LDB2: variants seen among roughly 807,000 people sequenced by gnomAD.
LDB2 encodes the protein LIM domain-binding protein 2.
A neutral mutation model predicts 44.3 loss-of-function variants in LDB2; 12 were observed. The observed-to-expected ratio is 0.27, with a 90% CI of 0.17 to 0.44. LDB2 has a LOEUF of 0.44. Among genes scored for constraint, LDB2 ranks in the 20% least tolerant of loss-of-function variants. The pLI, the probability that LDB2 is intolerant of heterozygous loss-of-function variation, is 1.00. For synonymous variants in LDB2, 164 were observed against 174.8 expected (o/e 0.94, Z 0.49); for missense variants, 344 against 473.5 (o/e 0.73, Z 2.54).
chr4:16,821,453 G>C (rs1446595815), intron 1 of LDB2, among the ~76,000 whole-genome samples: 2 of 149,050 alleles, frequency 1.3e-5, no homozygotes, highest in Non-Finnish European at 3.0e-5. Flanking sequence ...GCGCCATCTC[G>C]GCTCACTGCA....
chr4:16,821,392 T>TA (rs1475513625), intron 1 of LDB2, among the ~76,000 whole-genome samples: 53 of 150,340 alleles, frequency 3.5e-4, no homozygotes, highest in Non-Finnish European at 4.4e-4. Flanking sequence ...TTTTTATTTT[T>TA]TTTTTTTTGG....
At chr4:16,594,433 TCTGA>T (rs1720185050) in intron 3 of LDB2, among the ~76,000 whole-genome samples, 1 of 152,188 alleles carries the variant, frequency 6.6e-6, no homozygotes, top group South Asian at 2.1e-4. Context: ...CTTCTTTGTC[TCTGA>T]CTGACAACTC....
chr4:16,836,732 T>A (rs1016441175), intron 1 of LDB2, among the ~76,000 whole-genome samples: 18 of 152,110 alleles, frequency 1.2e-4, no homozygotes, highest in Middle Eastern at 3.2e-3. Flanking sequence ...GTGCACAGAG[T>A]TTTACACACA....
rs1005838289 is a variant in LDB2, at chr4:16,502,736, T to C, written c.1029A>G (p.Ser343=). The C allele has an allele frequency of 6.2e-6, 10 of 1,613,308 alleles. No homozygotes were observed. Among genetic ancestry groups the C allele is most frequent in the South Asian group, 4.4e-5 (4 of 91,026 alleles). ...ACGGGCTGTTGTTCCCCAGCGCGGG[T>C]GAATTGTTGAAGTCCTCCTCGTCGT... ...GMDDEEDFNN[S]PALGNNSPWN... is the part of the protein sequence containing the mutation. Residue 343 remains serine (S), a synonymous_variant, in exon 8 of 8, where the codon TCA becomes TCG. Transcript: ENST00000304523.
intron 5 of LDB2, among the ~76,000 whole-genome samples, chr4:16,558,044 T>A (rs1482413962): frequency 1.3e-5 from 2 of 152,098 alleles, no homozygotes; most frequent in Admixed American, 1.3e-4. Flanking sequence ...AGAAAGGACA[T>A]CCACACCAAA....
intron 5 of LDB2, among the ~76,000 whole-genome samples, chr4:16,585,097 A>C (rs1452475567): frequency 6.6e-6 from 1 of 152,186 alleles, no homozygotes; most frequent in African/African-American, 2.4e-5. Context: ...TGGAGAGAAC[A>C]ACTTCATAGA....
intron 1 of LDB2, among the ~76,000 whole-genome samples, chr4:16,821,970 C>G (rs1050669993): frequency 1.3e-5 from 2 of 152,014 alleles, no homozygotes; most frequent in African/African-American, 4.8e-5. Flanking sequence ...TTCCACCTAA[C>G]AAATTTCCCA....
intron 2 of LDB2, among the ~76,000 whole-genome samples, chr4:16,739,725 TATATGTGTATATACATACATATAC>T (rs1561057319): frequency 2.5e-5 from 3 of 121,856 alleles, no homozygotes; most frequent in African/African-American, 9.5e-5. Context: ...TATATATACA[TATATGTGTATATACATACATATAC>T]ATATATATAT....
chr4:16,510,565 G>C (rs111710911), intron 6 of LDB2, among the ~76,000 whole-genome samples: 1 of 152,092 alleles, frequency 6.6e-6, no homozygotes, highest in East Asian at 1.9e-4. Context: ...CCTAAAATGC[G>C]TATTCTGGAC....
At chr4:16,654,233 A>G (rs1309419709) in intron 2 of LDB2, among the ~76,000 whole-genome samples, 1 of 152,216 alleles carries the variant, frequency 6.6e-6, no homozygotes, top group Non-Finnish European at 1.5e-5. Flanking sequence ...GACACTCTGT[A>G]TGTTTGTGAA....
intron 6 of LDB2, among the ~76,000 whole-genome samples, chr4:16,510,847 TTGAATGAA>T (rs1406070803): frequency 1.3e-5 from 2 of 152,186 alleles, no homozygotes; most frequent in South Asian, 4.1e-4. Flanking sequence ...TAAATAATTA[TTGAATGAA>T]TGAAGGAATT....
chr4:16,804,248 G>T (rs1778371288), intron 1 of LDB2, among the ~76,000 whole-genome samples: 1 of 151,954 alleles, frequency 6.6e-6, no homozygotes, highest in South Asian at 2.1e-4. Flanking sequence ...TCCTGGCTAG[G>T]TACATATTTT....
At chr4:16,549,107 C>G (rs1375998522) in intron 5 of LDB2, among the ~76,000 whole-genome samples, 2 of 152,162 alleles carry the variant, frequency 1.3e-5, no homozygotes, top group African/African-American at 4.8e-5. Context: ...CTGTTCAGAG[C>G]TTTTTCTAGA....
chr4:16,756,955 G>A (rs1183894940), intron 2 of LDB2, among the ~76,000 whole-genome samples: 1 of 150,524 alleles, frequency 6.6e-6, no homozygotes, highest in Non-Finnish European at 1.5e-5. Context: ...TGTGATTGGG[G>A]ATTTTTTTTT....
intron 7 of LDB2, chr4:16,505,785 C>T (rs1719185700): frequency 6.8e-7 from 1 of 1,479,154 alleles, no homozygotes. Context: ...GAGGTGCCAC[C>T]AGCTCTCACC....
intron 2 of LDB2, among the ~76,000 whole-genome samples, chr4:16,702,439 C>T (rs1253900661): frequency 6.6e-6 from 1 of 152,186 alleles, no homozygotes; most frequent in African/African-American, 2.4e-5. Flanking sequence ...GAACATGTAT[C>T]ATTTTAGGCC....
At chr4:16,796,818 C>G (rs1030624948) in intron 1 of LDB2, among the ~76,000 whole-genome samples, 25 of 152,136 alleles carry the variant, frequency 1.6e-4, no homozygotes, top group African/African-American at 5.8e-4. Flanking sequence ...GTCCCCAAAA[C>G]CCATCACCCC....
At chr4:16,577,253 T>C (rs554912032) in intron 5 of LDB2, among the ~76,000 whole-genome samples, 2 of 151,972 alleles carry the variant, frequency 1.3e-5, no homozygotes, top group African/African-American at 4.8e-5. Context: ...GAGAAAGAAA[T>C]AAAGGGCATC....
At chr4:16,639,110 G>C (rs1734439880) in intron 2 of LDB2, among the ~76,000 whole-genome samples, 1 of 152,162 alleles carries the variant, frequency 6.6e-6, no homozygotes, top group East Asian at 1.9e-4. Flanking sequence ...TGCCAAAGGA[G>C]AAGAATAAAC....
Sources: gnomAD v4.1 joint callset for allele counts (sites outside exome capture counted in the v4.1 genomes callset) on GRCh38, gnomAD v4.1.1 for gene constraint, MANE v1.5 for transcripts, NCBI Gene and HGNC (gene_info 2026-07-23, HGNC 2026-07-21) for gene names.